The following TRPA1 variants were observed in gnomAD, a reference collection of about 807,000 sequenced individuals.
The protein encoded by TRPA1 is transient receptor potential cation channel subfamily A member 1.
In TRPA1, 129 loss-of-function variants were observed where a neutral mutation model predicts 131.3. The ratio of observed to expected loss-of-function variants is 0.98; its 90% CI spans 0.85 to 1.14. TRPA1 has a LOEUF of 1.14. TRPA1 is among the 50% of genes most tolerant of loss of function. The pLI is 0.00. For synonymous variants in TRPA1, 441 were observed against 451.7 expected, an observed-to-expected ratio of 0.98 and a Z score of 0.30; for missense variants, 1,304 against 1,354.2, an observed-to-expected ratio of 0.96 and a Z score of 0.58.
chr8:72,070,763 C>A (rs1434988889), intron 2 of TRPA1, among the ~76,000 whole-genome samples: 1 of 152,234 alleles, frequency 6.6e-6, no homozygotes, highest in Non-Finnish European at 1.5e-5. Flanking sequence ...GGGATTTTCA[C>A]ACATTTCCAC....
At chr8:72,034,530 T>C (rs184858905) in intron 21 of TRPA1, among the ~76,000 whole-genome samples, 153 bp from the exon 22 acceptor site, 6 of 152,370 alleles carry the variant, frequency 3.9e-5, no homozygotes, top group African/African-American at 1.2e-4. Flanking sequence ...TAAGAATTAA[T>C]TGAATAATCA....
At chr8:72,023,308 G>C (rs1811463434) in intron 26 of TRPA1, 192 bp from the exon 27 acceptor site, 1 of 659,014 alleles carries the variant, frequency 1.5e-6, no homozygotes, top group Non-Finnish European at 2.6e-6. Context: ...AAGTTACACT[G>C]TTAGTTCATG....
chr8:72,077,409 T>C (rs1806210449), upstream of TRPA1, among the ~76,000 whole-genome samples: 1 of 152,064 alleles, frequency 6.6e-6, no homozygotes, highest in South Asian at 2.1e-4. Flanking sequence ...TCCCCTGGAG[T>C]CTGCATTCTT....
At chr8:72,029,481 T>TA (rs1563381257) in intron 24 of TRPA1, among the ~76,000 whole-genome samples, 1 of 152,228 alleles carries the variant, frequency 6.6e-6, no homozygotes, top group Non-Finnish European at 1.5e-5. Context: ...GTATCCATGC[T>TA]AAGTAACTGT....
chr8:72,088,366 CT>C, the TRPA1 span, among the ~76,000 whole-genome samples: 1,785 of 81,232 alleles, frequency 0.022, 19 homozygotes, highest in African/African-American at 0.058. Context: ...TCTTTGAAAA[CT>C]TTTTTTTTTT....
At chr8:72,059,558 ATGTT>A in intron 7 of TRPA1, 120 bp from the exon 8 acceptor site, 3 of 620,752 alleles carry the variant, frequency 4.8e-6, no homozygotes, top group Middle Eastern at 4.5e-4. Context: ...ACATGATAGA[ATGTT>A]AGAGAATTAG....
At chr8:72,089,988 C>G in the TRPA1 span, among the ~76,000 whole-genome samples, 1 of 152,014 alleles carries the variant, frequency 6.6e-6, no homozygotes, top group African/African-American at 2.4e-5. Flanking sequence ...TGATGTTACA[C>G]AGGCATAAAT....
At chr8:72,024,668 G>A (rs1489195640) in intron 25 of TRPA1, among the ~76,000 whole-genome samples, 1 of 152,152 alleles carries the variant, frequency 6.6e-6, no homozygotes, top group Admixed American at 6.6e-5. Context: ...TTGAAGTTTG[G>A]TTTTGAACCT....
chr8:72,029,908 G>T lies in TRPA1; in HGVS notation c.2930C>A (p.Ala977Asp). The change falls in exon 24 of 27, where the codon GCT becomes GAT. Residue 977 changes from alanine to aspartate, a missense_variant. Transcript: ENST00000262209. ...GGGAGGCACTGCACTTACCTGCATA[G>T]CTATCCTCTTCAATGATGCATGTTT... ...VQKHASLKRIAMQVELHTSLE... is the reference protein window; with the variant it reads ...VQKHASLKRIDMQVELHTSLE... The T allele has an allele frequency of 1.2e-6, 2 of 1,613,894 alleles. No individual in the cohort carries two copies. Among genetic ancestry groups the T allele is most frequent in the Non-Finnish European group, 1.7e-6 (2 of 1,179,814 alleles).
the TRPA1 span, among the ~76,000 whole-genome samples, chr8:72,088,539 G>A: frequency 6.6e-6 from 1 of 151,910 alleles, no homozygotes; most frequent in East Asian, 1.9e-4. Flanking sequence ...TAACTTTATA[G>A]CCTGTCTTGA....
chr8:72,052,994 T>TGTGTGTGTGTGTGTGTGAGAGAGA (rs1491537785), intron 13 of TRPA1: 1 of 330,292 alleles, frequency 3.0e-6, no homozygotes, highest in African/African-American at 2.7e-5. Context: ...TGTGTGTGTG[T>TGTGTGTGTGTGTGTGTGAGAGAGA]GAGAGATAGA....
chr8:72,057,031 C>A lies in TRPA1; in HGVS notation c.1094-14G>T. The A allele has an allele frequency of 6.5e-7, 1 of 1,548,270 alleles. No homozygotes were observed. Among genetic ancestry groups the A allele is most frequent in the Non-Finnish European group, 8.9e-7 (1 of 1,129,690 alleles). ...CTACTTGGGCACCTAAAAAAAAACA[C>A]TATGTAAATATAAATTCTATTCATT... On this transcript the variant is annotated splice_polypyrimidine_tract_variant and intron_variant, in intron 9 of 26. Transcript: ENST00000262209.
At chr8:72,052,855 A>T (rs1805547300) in intron 13 of TRPA1, 90 bp from the exon 14 acceptor site, 1 of 1,424,300 alleles carries the variant, frequency 7.0e-7, no homozygotes, top group African/African-American at 1.4e-5. Context: ...CATTAGCGAC[A>T]CTATTTAATA....
intron 25 of TRPA1, 137 bp downstream of exon 25, chr8:72,025,823 T>C: frequency 1.3e-6 from 1 of 757,250 alleles, no homozygotes; most frequent in African/African-American, 1.7e-5. Flanking sequence ...TCATATCCTT[T>C]TTTTAAAAGC....
At position 72,021,435 on chromosome 8, in the gene TRPA1, T is replaced by C. The variant is rs563688093; in HGVS notation, c.*1471A>G. On this transcript the variant is annotated 3_prime_UTR_variant, in exon 27 of 27. Transcript: ENST00000262209. ...TCAGGAGATCTTTGGATATTGCTTC[T>C]GTATAGTGATTTTCCACCCTTTCTG... The C allele has an allele frequency of 6.6e-6, 1 of 152,190 alleles. No homozygotes were observed. Among genetic ancestry groups the C allele is most frequent in the African/African-American group, 2.4e-5 (1 of 41,438 alleles). The allele number at this position is 152,190 out of a possible 1,614,324, so 9.4% of individuals were successfully genotyped here.
chr8:72,061,470 G>A (rs1027761263), intron 7 of TRPA1, among the ~76,000 whole-genome samples, 155 bp downstream of exon 7: 2 of 152,140 alleles, frequency 1.3e-5, no homozygotes, highest in Admixed American at 6.6e-5. Context: ...GAACATACGC[G>A]ATTCCGGTTG....
chr8:72,039,444 ATAAT>A (rs2129434000), intron 18 of TRPA1, among the ~76,000 whole-genome samples: 1 of 152,086 alleles, frequency 6.6e-6, no homozygotes, highest in East Asian at 1.9e-4. Flanking sequence ...GTCTTATATA[ATAAT>A]TCCCTCCCAC....
chr8:72,034,852 C>T (rs1379900112), intron 21 of TRPA1, among the ~76,000 whole-genome samples: 1 of 152,162 alleles, frequency 6.6e-6, no homozygotes, highest in Non-Finnish European at 1.5e-5. Context: ...CCTAATGTTA[C>T]CTTAAATCAT....
rs1449828855 is a variant in TRPA1 at position 72,065,487 on chromosome 8, C to T, written c.516G>A (p.Ala172=). ...ATGCTTCGCTATTATTTGTGGTGCA[C>T]GCAATGATCACAGCTGTGTTTCCAT... ...GENGNTAVII[A]CTTNNSEALQ... is the part of the protein sequence containing the mutation. The change falls in exon 4 of 27, where the codon GCG becomes GCA. Residue 172 remains alanine (A), a synonymous_variant. Transcript: ENST00000262209. 37 of 1,613,270 alleles carry T rather than the reference C, an allele frequency of 2.3e-5. No homozygotes were observed. The East Asian group carries it at 2.5e-4, about 11-fold the overall frequency.
Sources: allele counts gnomAD v4.1 joint callset (sites outside exome capture counted in the v4.1 genomes callset), GRCh38; gene constraint gnomAD v4.1.1; transcripts MANE v1.5; gene names NCBI Gene and HGNC (gene_info 2026-07-23, HGNC 2026-07-21).